Variants in DNAH2 observed in about 807,000 individuals in gnomAD.
DNAH2 encodes dynein axonemal heavy chain 2, also known as axonemal beta dynein heavy chain 2.
In DNAH2, 323 loss-of-function variants were observed where a neutral mutation model predicts 523.5. The ratio of observed to expected loss-of-function variants is 0.62; its 90% CI spans 0.56 to 0.68. The LOEUF (loss-of-function observed/expected upper bound fraction) is 0.68. Among genes scored for constraint, DNAH2 ranks in the 30% least tolerant of loss-of-function variants. DNAH2 has a pLI of 0.00. For synonymous variants in DNAH2, 2,093 were observed against 2,177.4 expected, an observed-to-expected ratio of 0.96 and a Z score of 1.08; for missense variants, 4,907 against 5,701.5, an observed-to-expected ratio of 0.86 and a Z score of 4.49.
chr17:7,784,206 ATAAG>A (rs1462545938), intron 39 of DNAH2, among the ~76,000 whole-genome samples: 13 of 152,190 alleles, frequency 8.5e-5, no homozygotes, highest in Non-Finnish European at 4.4e-5. Flanking sequence ...TAGTCTCAAA[ATAAG>A]TAGAGCAAAT....
chr17:7,741,607 C>A (rs1025621675), intron 11 of DNAH2, among the ~76,000 whole-genome samples: 2 of 151,932 alleles, frequency 1.3e-5, no homozygotes, highest in Non-Finnish European at 2.9e-5. Context: ...ATCCACCCAC[C>A]TGGGCCTCCC....
Position 7,817,985 on chromosome 17 carries a change from C to T in DNAH2, c.10276C>T (p.Arg3426Ter), listed in dbSNP as rs754471787. ...CGACCTGCAGATGAGCGATTACCTG[C>T]GAATCCTAGAACACGCCATTCACTT... ...IIDLQMSDYLRILEHAIHFGY... is the reference protein window; with the variant it reads ...IIDLQMSDYL The change falls in exon 68 of 86, where the codon CGA becomes TGA. Residue 3426 changes from arginine (R) to a stop codon, truncating the protein, a stop_gained. Transcript: ENST00000572933. LOFTEE classifies it high-confidence loss of function. 6.2e-7 allele frequency: 1 copy of T among 1,613,962 alleles called. No individual in the cohort carries two copies. The highest frequency in any genetic ancestry group is 1.3e-5 in the African/African-American group (1 of 74,888).
At chr17:7,765,843 T>A (rs2076152038) in intron 21 of DNAH2, among the ~76,000 whole-genome samples, 1 of 151,866 alleles carries the variant, frequency 6.6e-6, no homozygotes, top group African/African-American at 2.4e-5. Context: ...AGTGGCTCGA[T>A]CTCAGCTCAC....
Position 7,777,537 on chromosome 17 carries a change from T to C in DNAH2, c.5150T>C (p.Ile1717Thr). The C allele has an allele frequency of 6.2e-7, 1 of 1,614,084 alleles. No individual in the cohort carries two copies. Among genetic ancestry groups the C allele is most frequent in the East Asian group, 2.2e-5 (1 of 44,880 alleles). The change falls in exon 33 of 86, where the codon ATT (isoleucine) becomes ACT (threonine). Residue 1717 changes from isoleucine (I) to threonine (T), a missense_variant. Ile to Thr is a moderately conservative substitution (Grantham distance 89). Transcript: ENST00000572933. ...ATTGTGGCTCTGGTGACGATAGAAA[T>C]TCATGCCCGGGATGTGTTGGAGAAG... is the stretch of plus-strand genomic sequence containing the variant. ...LKIVALVTIEIHARDVLEKLY... is the reference protein window; with the variant it reads ...LKIVALVTIETHARDVLEKLY...
In DNAH2 at chr17:7,817,781, C is replaced by G; in HGVS notation, c.10170-9C>G. Reference sequence around the variant, plus strand: ...AGGGCCTCACCTCTGACCTGTACTCCCCTTCCAGGTGGGCACTGATGATCG... The same window carrying G: ...AGGGCCTCACCTCTGACCTGTACTCGCCTTCCAGGTGGGCACTGATGATCG... On this transcript the variant is annotated splice_polypyrimidine_tract_variant and intron_variant, in intron 66 of 85. Transcript: ENST00000572933. 1 of 1,614,042 alleles carries G rather than the reference C, an allele frequency of 6.2e-7. No individual in the cohort carries two copies. The highest frequency in any genetic ancestry group is 8.5e-7 in the Non-Finnish European group (1 of 1,180,012).
Position 7,754,693 on chromosome 17 carries a change from A to G in DNAH2, c.1905-2398A>G. On this transcript the variant is annotated intron_variant, in intron 12 of 85. Coordinates refer to ENST00000572933, the MANE Select transcript of DNAH2 (RefSeq NM_020877.5). This position sits in a 1 kb window ranked among gnomAD's most constrained non-coding sequence, Gnocchi z 4.6. ...CGACTTGCCTACATTGCCCACCCCAACCTTGGGAAGCTTGCTCGTGCCCGC... is the reference window on the plus strand; with the variant it reads ...CGACTTGCCTACATTGCCCACCCCAGCCTTGGGAAGCTTGCTCGTGCCCGC... The G allele has an allele frequency of 8.1e-7, 1 of 1,232,338 alleles. No homozygotes were observed. Among genetic ancestry groups the G allele is most frequent in the Non-Finnish European group, 1.2e-6 (1 of 851,034 alleles). 76.3% of individuals were successfully genotyped at this position (1,232,338 alleles called of 1,614,324 possible).
intron 73 of DNAH2, 59 bp from the exon 74 acceptor site, chr17:7,823,383 C>T: frequency 7.1e-7 from 1 of 1,416,714 alleles, no homozygotes; most frequent in Admixed American, 1.9e-5. Context: ...AGAAAAAGAT[C>T]ACTCTTCTTT....
intron 25 of DNAH2, 30 bp from the exon 26 acceptor site, chr17:7,770,527 A>G (rs557821674): frequency 1.9e-6 from 3 of 1,613,434 alleles, no homozygotes; most frequent in African/African-American, 2.7e-5. Flanking sequence ...GAGATACCTG[A>G]CTGCTGTGTC....
At position 7,734,556 on chromosome 17, in the gene DNAH2, G is replaced by A; in HGVS notation, c.826G>A (p.Glu276Lys). 1 of 1,613,794 alleles carries A rather than the reference G, an allele frequency of 6.2e-7. No homozygotes were observed. Among genetic ancestry groups the A allele is most frequent in the Non-Finnish European group, 8.5e-7 (1 of 1,179,982 alleles). Reference protein sequence around the residue: ...VETGENLGPLEEIEFWRNRCM... With the variant: ...VETGENLGPLKEIEFWRNRCM... ...GACAGGAGAAAATTTAGGTCCTCTG[G>A]AGGAGATTGAGTTCTGGCGCAACCG... Residue 276 changes from glutamate to lysine, a missense_variant, in exon 7 of 86, where the codon GAG becomes AAG. Around this residue, in one of 3 missense-constraint regions of DNAH2, gnomAD observed 2,806 missense variants for 3,190.8 expected, o/e 0.88. Coordinates refer to ENST00000572933, the MANE Select transcript of DNAH2 (RefSeq NM_020877.5).
chr17:7,745,885 C>A lies in DNAH2; in HGVS notation c.1904+2743C>A, dbSNP rs138368767. 1.4e-3 allele frequency among the ~76,000 whole-genome samples: 215 copies of A among 152,138 alleles called. 6 individuals carry two copies. Among genetic ancestry groups the A allele is most frequent in the Middle Eastern group, 6.8e-3 (2 of 294 alleles). ...CTTCTACTCGCCAGGGGTCAGCCAGCGAGAGTAGATACAGCATCAACTTCA... is the reference window on the plus strand; with the variant it reads ...CTTCTACTCGCCAGGGGTCAGCCAGAGAGAGTAGATACAGCATCAACTTCA... On this transcript the variant is annotated intron_variant, in intron 12 of 85. Coordinates refer to ENST00000572933, the MANE Select transcript of DNAH2 (RefSeq NM_020877.5).
intron 18 of DNAH2, among the ~76,000 whole-genome samples, chr17:7,761,405 C>T (rs1333984495): frequency 6.6e-6 from 1 of 152,048 alleles, no homozygotes; most frequent in African/African-American, 2.4e-5. Context: ...GTAGCTGGGA[C>T]CACAGGCACA....
At chr17:7,733,873 G>A (rs376824928) in intron 5 of DNAH2, among the ~76,000 whole-genome samples, 3 of 152,106 alleles carry the variant, frequency 2.0e-5, no homozygotes, top group Non-Finnish European at 4.4e-5. Context: ...AAGCACATGT[G>A]GGGGAAAGGG....
rs371155546 is a variant in DNAH2 at position 7,744,995 on chromosome 17, T to C, written c.1904+1853T>C. Among the ~76,000 whole-genome samples, 15 of 152,054 alleles carry C rather than the reference T, an allele frequency of 9.9e-5. No individual in the cohort carries two copies. In the East Asian group the frequency reaches 2.7e-3, roughly 27 times the overall value. ...AACACTAATGATCAATCTTTACATT[T>C]CTTTTTTTTTTTTTCTTGAGACAGA... is the stretch of plus-strand genomic sequence containing the variant. On this transcript the variant is annotated intron_variant, in intron 12 of 85. Transcript: ENST00000572933.
chr17:7,770,691 C>A (rs750066002), intron 26 of DNAH2, 52 bp downstream of exon 26: 2 of 1,613,406 alleles, frequency 1.2e-6, no homozygotes, highest in Non-Finnish European at 1.7e-6. Flanking sequence ...ACCCAGGCTG[C>A]AGAGTGGGAC....
chr17:7,754,373 G>A lies in DNAH2; in HGVS notation c.1905-2718G>A. 3.8e-6 allele frequency: 2 copies of A among 520,836 alleles called. No homozygotes were observed. The highest frequency in any genetic ancestry group is 6.8e-6 in the Non-Finnish European group (2 of 294,710). 32.3% of individuals were successfully genotyped at this position (520,836 alleles called of 1,614,324 possible). On this transcript the variant is annotated intron_variant, in intron 12 of 85. Coordinates refer to ENST00000572933, the MANE Select transcript of DNAH2 (RefSeq NM_020877.5). The surrounding 1 kb of genome is among the most constrained non-coding windows in gnomAD (Gnocchi z 4.6). Reference sequence around the variant, plus strand: ...GCTTCCGGTTCTAGGTGCTTCAGGAGCCGTGGCTTAAGGTGCAGACATGGC... The same window carrying A: ...GCTTCCGGTTCTAGGTGCTTCAGGAACCGTGGCTTAAGGTGCAGACATGGC...
chr17:7,803,362 A>G (rs2077275088), intron 58 of DNAH2, among the ~76,000 whole-genome samples: 1 of 152,176 alleles, frequency 6.6e-6, no homozygotes, highest in Non-Finnish European at 1.5e-5. Context: ...GATTTATTGC[A>G]AAGGATATTT....
At position 7,798,172 on chromosome 17, in the gene DNAH2, G is replaced by A. The variant is rs763015071; in HGVS notation, c.8246G>A (p.Arg2749Gln). ...CCACCCCCAGTCACACGGATCGTGC[G>A]GGTCATTGGACAGCCTCGGGGCAAC... ...EAIEHITRIV[R>Q]VIGQPRGNML... is the part of the protein sequence containing the mutation. The change falls in exon 54 of 86, where the codon CGG becomes CAG. Residue 2749 changes from arginine to glutamine, a missense_variant. Transcript: ENST00000572933. This position sits in a 1 kb window ranked among gnomAD's most constrained non-coding sequence, Gnocchi z 5.5. 1.9e-6 allele frequency: 3 copies of A among 1,602,982 alleles called. No individual in the cohort carries two copies. Among genetic ancestry groups the A allele is most frequent in the South Asian group, 1.1e-5 (1 of 90,576 alleles).
Position 7,786,996 on chromosome 17 carries a change from C to T in DNAH2, c.6566C>T (p.Thr2189Ile), listed in dbSNP as rs565011968. The change falls in exon 42 of 86, where the codon ACC becomes ATC. Residue 2189 changes from threonine (T) to isoleucine (I), a missense_variant. Around this residue, in one of 3 missense-constraint regions of DNAH2, gnomAD observed 2,806 missense variants for 3,190.8 expected, o/e 0.88. Coordinates refer to ENST00000572933, the MANE Select transcript of DNAH2 (RefSeq NM_020877.5). The surrounding 1 kb of genome is among the most constrained non-coding windows in gnomAD (Gnocchi z 7.5). ...NSVMDDNKVL[T>I]LINGERIAMP... ...GTCATGGACGATAACAAGGTGTTGACCCTCATCAACGGCGAGCGCATCGCG... is the reference window on the plus strand; with the variant it reads ...GTCATGGACGATAACAAGGTGTTGATCCTCATCAACGGCGAGCGCATCGCG... 270 of 1,614,224 alleles carry T rather than the reference C, an allele frequency of 1.7e-4. 5 individuals are homozygous for T. In the South Asian group the frequency reaches 2.9e-3, roughly 17 times the overall value.
chr17:7,766,343 C>T lies in DNAH2; in HGVS notation c.3537C>T (p.Tyr1179=). The T allele has an allele frequency of 6.2e-7, 1 of 1,613,942 alleles. No homozygotes were observed. The highest frequency in any genetic ancestry group is 8.5e-7 in the Non-Finnish European group (1 of 1,179,918). Residue 1179 remains tyrosine (Y), a synonymous_variant, in exon 22 of 86, where the codon TAC becomes TAT. Transcript: ENST00000572933. The stretch of plus-strand genomic sequence containing the variant: ...GCCATTTCACCAGCAACGTGGGATA[C>T]ATGTCTGCCTTAGACCAGATTACAC... ...FKGHFTSNVG[Y]MSALDQITQV...
Sources: allele counts gnomAD v4.1 joint callset (sites outside exome capture counted in the v4.1 genomes callset), GRCh38; gene constraint gnomAD v4.1.1; regional missense constraint gnomAD v4.1.1; non-coding constraint Gnocchi (gnomAD v3.1); transcripts MANE v1.5; gene names NCBI Gene and HGNC (gene_info 2026-07-23, HGNC 2026-07-21).